The following SLC41A3 variants were observed in gnomAD, a reference collection of about 807,000 sequenced individuals.
The protein encoded by SLC41A3 is SLC41A1-like 2.
A neutral mutation model predicts 45.4 loss-of-function variants in SLC41A3; 44 were observed. The observed-to-expected ratio is 0.97, with a 90% CI of 0.76 to 1.25. The LOEUF (loss-of-function observed/expected upper bound fraction) is 1.25, where lower values mean the gene tolerates loss of function less well. Ranked by LOEUF, SLC41A3 falls within the 50% of genes most tolerant of loss-of-function variation. The pLI, the probability that SLC41A3 is intolerant of heterozygous loss-of-function variation, is 0.00. For synonymous variants in SLC41A3, 256 were observed against 252.4 expected (o/e 1.01, Z -0.13); for missense variants, 550 against 600.6 (o/e 0.92, Z 0.88).
intron 3 of SLC41A3, among the ~76,000 whole-genome samples, chr3:126,037,592 C>G (rs573290009): frequency 1.1e-3 from 171 of 152,266 alleles, no homozygotes; most frequent in African/African-American, 3.9e-3. Flanking sequence ...GGAGAAATTT[C>G]TAAGGAGCAA....
chr3:126,052,376 T>A (rs1310237707), intron 2 of SLC41A3, among the ~76,000 whole-genome samples: 1 of 151,992 alleles, frequency 6.6e-6, no homozygotes, highest in Non-Finnish European at 1.5e-5. Flanking sequence ...CTCCCTAACG[T>A]CCTGTGGAGC....
At chr3:126,040,199 T>G (rs140833824) in intron 3 of SLC41A3, among the ~76,000 whole-genome samples, 2 of 152,332 alleles carry the variant, frequency 1.3e-5, no homozygotes, top group African/African-American at 4.8e-5. Flanking sequence ...TATCTATGCA[T>G]CTATACATGT....
At chr3:126,065,033 C>T (rs145788457) in intron 2 of SLC41A3, among the ~76,000 whole-genome samples, 70 of 152,376 alleles carry the variant, frequency 4.6e-4, no homozygotes, top group African/African-American at 1.6e-3. Flanking sequence ...TAGGAGTGGC[C>T]TCGAGAAGTG....
At chr3:126,090,520 C>G (rs1217698938) in intron 1 of SLC41A3, among the ~76,000 whole-genome samples, 1 of 152,002 alleles carries the variant, frequency 6.6e-6, no homozygotes, top group Non-Finnish European at 1.5e-5. Context: ...ATAGAGAGTA[C>G]CAGGTTATAA....
chr3:126,051,417 C>A (rs572993478), intron 2 of SLC41A3, among the ~76,000 whole-genome samples: 3 of 149,316 alleles, frequency 2.0e-5, no homozygotes, highest in Non-Finnish European at 4.5e-5. Context: ...ACCCACAAGA[C>A]GGCCAGGCTG....
At chr3:126,097,494 C>T (rs916816350) in intron 1 of SLC41A3, among the ~76,000 whole-genome samples, 16 of 152,188 alleles carry the variant, frequency 1.1e-4, no homozygotes, top group Admixed American at 3.3e-4. Context: ...TATCCTACCC[C>T]GCTCATGCCT....
At chr3:126,016,524 T>C (rs1017598771) in intron 7 of SLC41A3, among the ~76,000 whole-genome samples, 3 of 152,170 alleles carry the variant, frequency 2.0e-5, no homozygotes, top group Non-Finnish European at 4.4e-5. Flanking sequence ...CAGCCTCTCT[T>C]AGAACCAACA....
chr3:126,071,121 T>C (rs978975893), intron 1 of SLC41A3, among the ~76,000 whole-genome samples: 16 of 152,142 alleles, frequency 1.1e-4, no homozygotes, highest in Admixed American at 5.9e-4. Flanking sequence ...AGAAAACAAA[T>C]AGCAAAATGG....
chr3:126,085,154 C>CT (rs1286991678), upstream of SLC41A3, among the ~76,000 whole-genome samples: 1 of 152,216 alleles, frequency 6.6e-6, no homozygotes, highest in Non-Finnish European at 1.5e-5. Flanking sequence ...CCCTCCCCCT[C>CT]TTTGAGTTTT....
chr3:126,015,733 C>T (rs1345802694), intron 7 of SLC41A3, among the ~76,000 whole-genome samples, 160 bp from the exon 8 acceptor site: 2 of 152,186 alleles, frequency 1.3e-5, no homozygotes, highest in East Asian at 3.9e-4. Context: ...CTGGTCTCCC[C>T]AGCATCCTTT....
chr3:126,057,803 T>A (rs1473401948), intron 2 of SLC41A3: 2 of 152,274 alleles, frequency 1.3e-5, no homozygotes, highest in Admixed American at 1.3e-4. Context: ...TACTCATTCA[T>A]TCAACAGATA....
chr3:126,064,017 A>G (rs940595500), intron 2 of SLC41A3, among the ~76,000 whole-genome samples: 3 of 146,150 alleles, frequency 2.1e-5, no homozygotes, highest in Non-Finnish European at 4.5e-5. Context: ...TTCCTGGACA[A>G]GAGCACCACA....
chr3:126,055,102 G>A (rs1042990737), intron 2 of SLC41A3, among the ~76,000 whole-genome samples: 1 of 152,170 alleles, frequency 6.6e-6, no homozygotes, highest in Non-Finnish European at 1.5e-5. Context: ...GGACCCAGGG[G>A]CACAGAAAGA....
At chr3:126,062,454 G>A (rs996536957) in intron 2 of SLC41A3, among the ~76,000 whole-genome samples, 3 of 152,092 alleles carry the variant, frequency 2.0e-5, no homozygotes, top group Non-Finnish European at 2.9e-5. Flanking sequence ...ACAGTCATGC[G>A]GCCAAGGTCT....
chr3:126,063,042 C>A (rs1407575548), intron 2 of SLC41A3, among the ~76,000 whole-genome samples: 1 of 152,202 alleles, frequency 6.6e-6, no homozygotes. Context: ...GCACTGTGCA[C>A]CATCAGAGGA....
upstream of SLC41A3, among the ~76,000 whole-genome samples, chr3:126,088,014 T>C (rs947383159): frequency 6.6e-6 from 1 of 152,168 alleles, no homozygotes; most frequent in Admixed American, 6.5e-5. Context: ...CAGATTGATA[T>C]CTCACAAGCT....
In SLC41A3 at chr3:126,082,797, G is replaced by A. The variant is rs1335673383; in HGVS notation, c.-28+1296C>T. 1.3e-4 allele frequency among the ~76,000 whole-genome samples: 20 copies of A among 152,196 alleles called. No homozygotes were observed. The East Asian group carries it at 3.9e-3, about 29-fold the overall frequency. On this transcript the variant is annotated intron_variant, in intron 1 of 10. Coordinates refer to ENST00000360370, the MANE Select transcript of SLC41A3 (RefSeq NM_017836.4). Reference sequence around the variant, plus strand: ...ACAGACCAGGGCTCGCCCAAAGGCAGGCAGGCAGGGCCACTGCTGACCACG... The same window carrying A: ...ACAGACCAGGGCTCGCCCAAAGGCAAGCAGGCAGGGCCACTGCTGACCACG...
At chr3:126,053,135 G>A (rs1943449503) in intron 2 of SLC41A3, among the ~76,000 whole-genome samples, 2 of 152,214 alleles carry the variant, frequency 1.3e-5, no homozygotes, top group Admixed American at 1.3e-4. Context: ...CTCGTATGGT[G>A]AAGTCCTCAT....
intron 2 of SLC41A3, 55 bp from the exon 3 acceptor site, chr3:126,051,105 G>T: frequency 2.0e-6 from 3 of 1,469,902 alleles, no homozygotes; most frequent in East Asian, 2.4e-5. Flanking sequence ...CAAATCTCTG[G>T]AAATTTCTTG....
Sources: gnomAD v4.1 joint callset for allele counts (sites outside exome capture counted in the v4.1 genomes callset) on GRCh38, gnomAD v4.1.1 for gene constraint, MANE v1.5 for transcripts, NCBI Gene and HGNC (gene_info 2026-07-23, HGNC 2026-07-21) for gene names.